MMS22L: variants seen among roughly 807,000 people sequenced by gnomAD.
The protein encoded by MMS22L is protein MMS22-like.
MMS22L carries 74 observed loss-of-function variants against 159.1 expected under a neutral mutation model. The observed-to-expected ratio is 0.47, with a 90% CI of 0.39 to 0.56. MMS22L has a LOEUF of 0.56. MMS22L is among the 20% of genes least tolerant of loss of function. MMS22L has a pLI of 0.00. For synonymous variants in MMS22L, 517 were observed against 506.9 expected, an observed-to-expected ratio of 1.02 and a Z score of -0.27; for missense variants, 1,351 against 1,422.1, an observed-to-expected ratio of 0.95 and a Z score of 0.80.
At chr6:97,246,050 G>T in intron 11 of MMS22L, 1 of 252,182 alleles carries the variant, frequency 4.0e-6, no homozygotes, top group African/African-American at 2.3e-5. Context: ...AAACTTTACA[G>T]GGCTTCCATA....
chr6:97,202,476 T>A (rs1289047432), intron 14 of MMS22L, among the ~76,000 whole-genome samples: 1 of 152,214 alleles, frequency 6.6e-6, no homozygotes, highest in South Asian at 2.1e-4. Context: ...CCTATGCATA[T>A]AATCTTCAAT....
At position 97,179,442 on chromosome 6, in the gene MMS22L, A is replaced by C; in HGVS notation, c.2502T>G (p.Asp834Glu). 6.2e-7 allele frequency: 1 copy of C among 1,612,734 alleles called. No homozygotes were observed. The highest frequency in any genetic ancestry group is 8.5e-7 in the Non-Finnish European group (1 of 1,179,418). The change falls in exon 17 of 25, where the codon GAT (aspartate) becomes GAG (glutamate). Residue 834 changes from aspartate (D) to glutamate (E), a missense_variant. Asp to Glu is a conservative substitution (Grantham distance 45). Transcript: ENST00000683635. ...MYIKNLSGPD[D>E]LLIDKNLEEA... ...CTTCCAGATTTTTATCTATGAGCAAATCATCAGGCCCAGAGAGGTTTTTAA... is the reference window on the plus strand; with the variant it reads ...CTTCCAGATTTTTATCTATGAGCAACTCATCAGGCCCAGAGAGGTTTTTAA...
intron 14 of MMS22L, among the ~76,000 whole-genome samples, chr6:97,210,186 A>G (rs1808226230): frequency 6.6e-6 from 1 of 151,842 alleles, no homozygotes; most frequent in Admixed American, 6.6e-5. Context: ...TAAAAATCTT[A>G]TATATCCTTA....
intron 10 of MMS22L, among the ~76,000 whole-genome samples, chr6:97,247,083 C>G (rs1812739697): frequency 6.7e-6 from 1 of 149,718 alleles, no homozygotes. Context: ...ATCACTAGAG[C>G]TTTTTCCTTC....
chr6:97,231,973 G>A (rs1810921286), intron 12 of MMS22L, among the ~76,000 whole-genome samples: 1 of 152,028 alleles, frequency 6.6e-6, no homozygotes, highest in Admixed American at 6.5e-5. Flanking sequence ...CAATGTTTTT[G>A]TTATACCACT....
intron 14 of MMS22L, among the ~76,000 whole-genome samples, chr6:97,206,462 C>A (rs1408554382): frequency 6.6e-6 from 1 of 151,206 alleles, no homozygotes; most frequent in African/African-American, 2.4e-5. Flanking sequence ...AATTTAAAAA[C>A]TTCAATATAA....
At chr6:97,178,265 T>G (rs1804324096) in intron 18 of MMS22L, among the ~76,000 whole-genome samples, 178 bp downstream of exon 18, 1 of 152,170 alleles carries the variant, frequency 6.6e-6, no homozygotes, top group Admixed American at 6.5e-5. Flanking sequence ...TAAGTGTGAA[T>G]TGTACTATAC....
chr6:97,146,566 T>C lies in MMS22L; in HGVS notation c.*240A>G. The C allele has an allele frequency of 3.5e-6, 1 of 286,278 alleles. No homozygotes were observed. The highest frequency in any genetic ancestry group is 1.1e-3 in the Middle Eastern group (1 of 924). 17.7% of individuals were successfully genotyped at this position (286,278 alleles called of 1,614,324 possible). A position where few individuals can be genotyped will look rare whatever the true frequency, so the allele number is the denominator to read the frequency against. On this transcript the variant is annotated 3_prime_UTR_variant, in exon 25 of 25. Transcript: ENST00000683635. ...AAATGTTTCTTTAATTTAGTTTAAC[T>C]AAAATTTCATCAAGGTAGAATGCAG...
chr6:97,251,487 A>C (rs1813228697), intron 10 of MMS22L, among the ~76,000 whole-genome samples: 1 of 152,192 alleles, frequency 6.6e-6, no homozygotes, highest in African/African-American at 2.4e-5. Flanking sequence ...GAAATCCAGA[A>C]ATAAACTCTT....
At chr6:97,216,237 T>A (rs1447473032) in intron 14 of MMS22L, among the ~76,000 whole-genome samples, 1 of 152,166 alleles carries the variant, frequency 6.6e-6, no homozygotes, top group African/African-American at 2.4e-5. Flanking sequence ...TGAGAATAGC[T>A]AGAAGTATTT....
intron 22 of MMS22L, among the ~76,000 whole-genome samples, chr6:97,157,633 A>G (rs572468557): frequency 4.6e-5 from 7 of 152,224 alleles, no homozygotes; most frequent in African/African-American, 1.7e-4. Context: ...ATTGATTTGC[A>G]TATGTTGAAC....
chr6:97,182,030 A>G lies in MMS22L; in HGVS notation c.2258T>C (p.Met753Thr), dbSNP rs112521959. 1.9e-6 allele frequency: 3 copies of G among 1,611,930 alleles called. No homozygotes were observed. The highest frequency in any genetic ancestry group is 2.7e-5 in the African/African-American group (2 of 74,822). ...AADFTLLAMD[M>T]PSTAPSDFQP... The stretch of plus-strand genomic sequence containing the variant: ...AAAATCTGATGGAGCTGTGCTTGGC[A>G]TGTCCATTGCTAGCAAAGTAAAGTC... Residue 753 changes from methionine (M) to threonine (T), a missense_variant, in exon 16 of 25, where the codon ATG becomes ACG. Coordinates refer to ENST00000683635, the MANE Select transcript of MMS22L (RefSeq NM_001350599.2).
chr6:97,162,677 C>G (rs1802569112), intron 21 of MMS22L, among the ~76,000 whole-genome samples: 1 of 151,926 alleles, frequency 6.6e-6, no homozygotes, highest in African/African-American at 2.4e-5. Context: ...CTTCCTTCCT[C>G]CAGCAAGTTA....
chr6:97,155,132 G>T (rs2128236286), intron 22 of MMS22L, among the ~76,000 whole-genome samples: 1 of 149,070 alleles, frequency 6.7e-6, no homozygotes, highest in Middle Eastern at 4.4e-3. Context: ...AATCCATTGT[G>T]ATCATCTCTG....
At chr6:97,162,803 T>C (rs1393328459) in intron 21 of MMS22L, among the ~76,000 whole-genome samples, 1 of 152,016 alleles carries the variant, frequency 6.6e-6, no homozygotes, top group Non-Finnish European at 1.5e-5. Context: ...TTGTATATTC[T>C]CACCTCTTAG....
chr6:97,155,291 T>A (rs1048080482), intron 22 of MMS22L, among the ~76,000 whole-genome samples: 4 of 149,858 alleles, frequency 2.7e-5, no homozygotes, highest in South Asian at 4.3e-4. Context: ...TAAGTGAATA[T>A]TTTTTAACGT....
At chr6:97,262,653 G>A (rs1814614382) in intron 9 of MMS22L, among the ~76,000 whole-genome samples, 1 of 74,944 alleles carries the variant, frequency 1.3e-5, no homozygotes, top group Non-Finnish European at 2.6e-5. Flanking sequence ...GAGCAAGACT[G>A]CCTCAAAAAA....
At position 97,278,859 on chromosome 6, in the gene MMS22L, A is replaced by G. The variant is rs999249867; in HGVS notation, c.330T>C (p.Ser110=). The change falls in exon 4 of 25, where the codon AGT becomes AGC. Residue 110 remains serine, a synonymous_variant. Transcript: ENST00000683635. ...ACACCTTAAACTTACCAAAATCACA[A>G]CTGGACTGTAACAAGGTTTCCAAGT... is the stretch of plus-strand genomic sequence containing the variant. The part of the protein sequence containing the change: ...LYNLETLLQS[S]CDFGKVSTLH... 1 of 1,612,842 alleles carries G rather than the reference A, an allele frequency of 6.2e-7. No homozygotes were observed. Among genetic ancestry groups the G allele is most frequent in the African/African-American group, 1.3e-5 (1 of 74,882 alleles).
intron 23 of MMS22L, 31 bp from the exon 24 acceptor site, chr6:97,150,051 C>G (rs377547250): frequency 1.9e-6 from 3 of 1,589,940 alleles, no homozygotes; most frequent in Non-Finnish European, 1.7e-6. Context: ...TTTAGGATTA[C>G]TCCTGGGGCA....
Sources: gnomAD v4.1 joint callset for allele counts (sites outside exome capture counted in the v4.1 genomes callset) on GRCh38, gnomAD v4.1.1 for gene constraint, MANE v1.5 for transcripts, NCBI Gene and HGNC (gene_info 2026-07-23, HGNC 2026-07-21) for gene names.